RPH3A: variants seen among roughly 807,000 people sequenced by gnomAD.
RPH3A encodes the protein rabphilin 3A, also known as rabphilin-3A.
In RPH3A, 48 loss-of-function variants were observed where a neutral mutation model predicts 102.2. The observed-to-expected ratio is 0.47, with a 90% confidence interval of 0.37 to 0.60. The LOEUF is 0.60. RPH3A is among the 20% of genes least tolerant of loss of function. The pLI is 0.00. For missense variants in RPH3A, 781 were observed against 910.1 expected, an observed-to-expected ratio of 0.86 and a Z score of 1.83; for synonymous variants, 310 against 324.3, an observed-to-expected ratio of 0.96 and a Z score of 0.47.
At chr12:112,815,601 C>T (rs925925202) in intron 2 of RPH3A, among the ~76,000 whole-genome samples, 13 of 152,188 alleles carry the variant, frequency 8.5e-5, no homozygotes, top group African/African-American at 1.2e-4. Flanking sequence ...GGGAGCAGGA[C>T]GCCATTTGTG....
intron 10 of RPH3A, among the ~76,000 whole-genome samples, chr12:112,874,368 G>T (rs916311731): frequency 6.6e-6 from 1 of 152,174 alleles, no homozygotes; most frequent in African/African-American, 2.4e-5. Flanking sequence ...ACTTCTCTGT[G>T]CCTCAGTTTC....
chr12:112,749,393 C>T (rs1199130327), intron 1 of RPH3A, among the ~76,000 whole-genome samples: 1 of 152,168 alleles, frequency 6.6e-6, no homozygotes, highest in Non-Finnish European at 1.5e-5. Flanking sequence ...AGAGACAGGA[C>T]ATTTTTCCTT....
Position 112,802,814 on chromosome 12 carries a change from C to T in RPH3A, c.-19+10551C>T, listed in dbSNP as rs539373577. ...CTGTCCACTCCCCAGGGCCTCTGTCCACTCCCCAGGGCCTCTGTCCTCTCC... is the reference window on the plus strand; with the variant it reads ...CTGTCCACTCCCCAGGGCCTCTGTCTACTCCCCAGGGCCTCTGTCCTCTCC... On this transcript the variant is annotated intron_variant, in intron 2 of 21. Coordinates refer to ENST00000389385, the MANE Select transcript of RPH3A (RefSeq NM_001143854.2). 1.5e-4 allele frequency among the ~76,000 whole-genome samples: 23 copies of T among 152,134 alleles called. No homozygotes were observed. The South Asian group carries it at 4.6e-3, about 30-fold the overall frequency.
At chr12:112,879,011 C>G in intron 13 of RPH3A, 108 bp from the exon 14 acceptor site, 1 of 973,212 alleles carries the variant, frequency 1.0e-6, no homozygotes, top group South Asian at 1.5e-5. Flanking sequence ...TTCTTCTCTT[C>G]TGTGGTCTCA....
chr12:112,711,584 G>T (rs1000882262), intron 1 of RPH3A, among the ~76,000 whole-genome samples: 1 of 152,186 alleles, frequency 6.6e-6, no homozygotes, highest in African/African-American at 2.4e-5. Flanking sequence ...CTTCAGAAAC[G>T]AGTGGTGTGT....
At chr12:112,789,284 C>T (rs747593140), upstream of RPH3A, among the ~76,000 whole-genome samples, 8 of 152,202 alleles carry the variant, frequency 5.3e-5, no homozygotes, top group Non-Finnish European at 8.8e-5. Context: ...CTTCCTAGCT[C>T]TTTGATTATG....
intron 5 of RPH3A, among the ~76,000 whole-genome samples, chr12:112,862,292 C>A (rs2042532756): frequency 6.6e-6 from 1 of 152,094 alleles, no homozygotes; most frequent in Non-Finnish European, 1.5e-5. Flanking sequence ...GTAGTCCCAG[C>A]TACTTGGGAG....
intron 5 of RPH3A, among the ~76,000 whole-genome samples, chr12:112,857,110 G>A (rs138144728): frequency 1.3e-5 from 2 of 152,244 alleles, no homozygotes; most frequent in East Asian, 3.9e-4. Flanking sequence ...ACGCTTTCTT[G>A]GGGCTGCATG....
In RPH3A at chr12:112,729,510, C is replaced by T. The variant is rs549558485; in HGVS notation, c.-139-62633C>T. On this transcript the variant is annotated intron_variant, in intron 1 of 21. Transcript: ENST00000543106. ...ATACAAAGGGAATTTTTTTTTTTAT[C>T]GCAGGTGTCTTGTTTCTTAAAGATA... Among the ~76,000 whole-genome samples, 30 of 151,508 alleles carry T rather than the reference C, an allele frequency of 2.0e-4. No homozygotes were observed. In the South Asian group the frequency reaches 5.8e-3, roughly 29 times the overall value.
chr12:112,756,002 G>A (rs1180397365), intron 1 of RPH3A, among the ~76,000 whole-genome samples: 1 of 152,224 alleles, frequency 6.6e-6, no homozygotes, highest in East Asian at 1.9e-4. Context: ...TGACACAAAA[G>A]TACTGCCAGA....
intron 1 of RPH3A, among the ~76,000 whole-genome samples, chr12:112,638,261 C>T (rs1379899726): frequency 6.6e-6 from 1 of 152,180 alleles, no homozygotes; most frequent in Non-Finnish European, 1.5e-5. Flanking sequence ...TCACCAGATG[C>T]CCATTCTTCC....
Position 112,897,023 on chromosome 12 carries a change from G to T in RPH3A, c.*243G>T. The T allele has an allele frequency of 2.1e-6, 1 of 479,736 alleles. No individual in the cohort carries two copies. The allele number at this position is 479,736 out of a possible 1,614,324, so 29.7% of individuals were successfully genotyped here. On this transcript the variant is annotated 3_prime_UTR_variant, in exon 22 of 22. Coordinates refer to ENST00000389385, the MANE Select transcript of RPH3A (RefSeq NM_001143854.2). ...TCCCTGGGATGGAGCAATGGGGATG[G>T]GGTTGGGGAGACGTTTACAAAGAGG...
chr12:112,691,722 A>C (rs1378175992), intron 1 of RPH3A, among the ~76,000 whole-genome samples: 2 of 152,246 alleles, frequency 1.3e-5, no homozygotes, highest in Non-Finnish European at 2.9e-5. Context: ...AGAATATCTC[A>C]TTAAATGAGA....
intron 2 of RPH3A, among the ~76,000 whole-genome samples, chr12:112,804,195 G>A (rs1436087234): frequency 6.6e-6 from 1 of 152,188 alleles, no homozygotes; most frequent in Admixed American, 6.5e-5. Context: ...CGAAAACCAG[G>A]TTCAGTCATC....
chr12:112,890,490 G>C (rs2043074690), intron 18 of RPH3A, among the ~76,000 whole-genome samples: 1 of 152,218 alleles, frequency 6.6e-6, no homozygotes, highest in Non-Finnish European at 1.5e-5. Context: ...AATACTGGTT[G>C]TGTTAAGGGA....
intron 1 of RPH3A, among the ~76,000 whole-genome samples, chr12:112,676,996 C>T (rs900690538): frequency 5.9e-5 from 9 of 152,116 alleles, no homozygotes; most frequent in South Asian, 2.1e-4. Flanking sequence ...TGAGGTTCTC[C>T]GGTTCAGGAA....
intron 1 of RPH3A, among the ~76,000 whole-genome samples, chr12:112,700,474 T>G (rs2040385713): frequency 6.6e-6 from 1 of 152,212 alleles, no homozygotes; most frequent in African/African-American, 2.4e-5. Flanking sequence ...TCATGTAAGC[T>G]TCTCAGAAAT....
chr12:112,621,232 G>A (rs1052014762), intron 1 of RPH3A, among the ~76,000 whole-genome samples: 6 of 151,938 alleles, frequency 3.9e-5, no homozygotes, highest in Non-Finnish European at 7.4e-5. Context: ...GAACAGCTCC[G>A]GTCTACAGCT....
chr12:112,682,351 C>CTTTTTTTTTTT (rs1314037530), intron 1 of RPH3A, among the ~76,000 whole-genome samples: 19 of 77,658 alleles, frequency 2.4e-4, no homozygotes, highest in African/African-American at 7.4e-4. Flanking sequence ...TTTTTTCTTT[C>CTTTTTTTTTTT]TTTCTTTTTT....
Sources: allele counts gnomAD v4.1 joint callset (sites outside exome capture counted in the v4.1 genomes callset), GRCh38; gene constraint gnomAD v4.1.1; transcripts MANE v1.5; gene names NCBI Gene and HGNC (gene_info 2026-07-23, HGNC 2026-07-21).